MAP4: variants seen among roughly 807,000 people sequenced by gnomAD.
MAP4 encodes the protein microtubule associated protein 4.
In MAP4, 76 loss-of-function variants were observed where a neutral mutation model predicts 170.2. That is an observed-to-expected ratio of 0.45 (90% CI 0.37 to 0.54). MAP4 has a LOEUF of 0.54. Ranked by LOEUF, MAP4 falls within the 20% of genes least tolerant of loss-of-function variation. MAP4 has a pLI of 0.00. For synonymous variants in MAP4, 909 were observed against 994.5 expected (o/e 0.91, Z 1.62); for missense variants, 2,506 against 2,748.0 (o/e 0.91, Z 1.97).
chr3:48,027,792 T>A (rs1429786974), intron 1 of MAP4, among the ~76,000 whole-genome samples: 1 of 152,120 alleles, frequency 6.6e-6, no homozygotes, highest in Non-Finnish European at 1.5e-5. Flanking sequence ...GAGCCATGAT[T>A]GCGGAACTGC....
rs1225562081 is a variant in MAP4, at chr3:47,952,275, C to G, written c.293-23925G>C. On this transcript the variant is annotated intron_variant, in intron 3 of 20. Coordinates refer to ENST00000683076, the MANE Select transcript of MAP4 (RefSeq NM_001385682.1). ...GAGGGAGGTGGGGGGGTCAGCCCCC[C>G]CGCCCGGCCAGCCGCCCCATCCGGG... Among the ~76,000 whole-genome samples, 8 of 151,508 alleles carry G rather than the reference C, an allele frequency of 5.3e-5. No homozygotes were observed. In the East Asian group the frequency reaches 9.8e-4, roughly 19 times the overall value.
intron 1 of MAP4, among the ~76,000 whole-genome samples, chr3:48,069,982 T>A (rs867226936): frequency 3.9e-5 from 6 of 151,902 alleles, no homozygotes; most frequent in South Asian, 2.1e-4. Context: ...TGAAAAAAAA[T>A]TTTTTTTCTG....
intron 3 of MAP4, among the ~76,000 whole-genome samples, chr3:47,928,737 G>A (rs956237073): frequency 6.6e-6 from 1 of 151,838 alleles, no homozygotes; most frequent in African/African-American, 2.4e-5. Context: ...TGACTTCTAG[G>A]TTATGCAGGC....
intron 2 of MAP4, chr3:47,987,296 A>G: frequency 1.1e-6 from 1 of 935,488 alleles, no homozygotes; most frequent in Non-Finnish European, 1.6e-6. Context: ...AGAGCATGTT[A>G]ATAAGTGTAA....
chr3:47,930,354 AG>A (rs1215749463), intron 3 of MAP4, among the ~76,000 whole-genome samples: 1 of 151,238 alleles, frequency 6.6e-6, no homozygotes. Flanking sequence ...CTGAGGCAGG[AG>A]AATGGCGTGA....
intron 1 of MAP4, among the ~76,000 whole-genome samples, chr3:48,030,019 T>C (rs922920436): frequency 1.4e-5 from 2 of 147,738 alleles, no homozygotes; most frequent in African/African-American, 4.9e-5. Flanking sequence ...ATAATATATG[T>C]ATTATATATT....
chr3:47,872,037 C>T lies in MAP4; in HGVS notation c.5821G>A (p.Ala1941Thr), dbSNP rs758660512. 6.2e-6 allele frequency: 10 copies of T among 1,613,902 alleles called. No individual in the cohort carries two copies. In the African/African-American group the frequency reaches 6.7e-5, roughly 11 times the overall value. Residue 1941 changes from alanine to threonine, a missense_variant, in exon 13 of 21, where the codon GCC becomes ACC. Physicochemically the swap from Ala to Thr is moderately conservative, Grantham distance 58. Coordinates refer to ENST00000683076, the MANE Select transcript of MAP4 (RefSeq NM_001385682.1). Reference sequence around the variant, plus strand: ...GTGCTCTTGGACCCAGATCTGGAGGCTGGGGCAGAAGCTGGCTTGGATGGT... The same window carrying T: ...GTGCTCTTGGACCCAGATCTGGAGGTTGGGGCAGAAGCTGGCTTGGATGGT... ...ASPSKPASAP[A>T]SRSGSKSTQT... is the part of the protein sequence containing the mutation.
At chr3:47,899,868 T>G (rs539861097) in intron 10 of MAP4, among the ~76,000 whole-genome samples, 1 of 152,334 alleles carries the variant, frequency 6.6e-6, no homozygotes, top group African/African-American at 2.4e-5. Context: ...TGGATTCCTG[T>G]GTGTCTGGGC....
chr3:47,857,360 T>G lies in MAP4; in HGVS notation c.6583+71A>C, dbSNP rs910881878. 195 of 1,270,690 alleles carry G rather than the reference T, an allele frequency of 1.5e-4. 1 individual carries two copies. The East Asian group carries it at 4.2e-3, about 27-fold the overall frequency. The allele number at this position is 1,270,690 out of a possible 1,614,324, so 78.7% of individuals were successfully genotyped here. ...AGAGATGAAACCCTTGCCAGCCAGC[T>G]GGCTGCCCAGCTGACCCATGGCAGG... On this transcript the variant is annotated intron_variant, in intron 18 of 20. Coordinates refer to ENST00000683076, the MANE Select transcript of MAP4 (RefSeq NM_001385682.1).
chr3:47,870,740 G>A, intron 15 of MAP4, 73 bp downstream of exon 15: 1 of 1,439,726 alleles, frequency 6.9e-7, no homozygotes, highest in Non-Finnish European at 9.3e-7. Flanking sequence ...TGGTGGGCCT[G>A]GGAACAGTGG....
rs570915918 is a variant in MAP4, at chr3:47,914,234, A to G, written c.1999+583T>C. On this transcript the variant is annotated intron_variant, in intron 8 of 20. Coordinates refer to ENST00000683076, the MANE Select transcript of MAP4 (RefSeq NM_001385682.1). The stretch of plus-strand genomic sequence containing the variant: ...GAATAGTGAATAGCTGAACCAGATC[A>G]AAATTTGGGTGTCCTTTCTTCACTA... Among the ~76,000 whole-genome samples, 3 of 152,280 alleles carry G rather than the reference A, an allele frequency of 2.0e-5. No homozygotes were observed. The East Asian group carries it at 5.8e-4, about 29-fold the overall frequency.
intron 1 of MAP4, among the ~76,000 whole-genome samples, chr3:48,006,782 T>C (rs1323132203): frequency 6.6e-5 from 10 of 152,238 alleles, no homozygotes; most frequent in Non-Finnish European, 1.2e-4. Flanking sequence ...AGAAGACAGA[T>C]GGATCCTGGA....
chr3:48,077,241 G>A (rs1196896691), intron 1 of MAP4, among the ~76,000 whole-genome samples: 3 of 151,940 alleles, frequency 2.0e-5, no homozygotes, highest in South Asian at 2.1e-4. Flanking sequence ...TTGGGAGTTC[G>A]AGCCCAGCCT....
At chr3:47,919,685 A>T (rs954645339) in intron 5 of MAP4, among the ~76,000 whole-genome samples, 2 of 152,212 alleles carry the variant, frequency 1.3e-5, no homozygotes, top group African/African-American at 4.8e-5. Flanking sequence ...GTGGTATAGT[A>T]TATCCCAGTA....
At chr3:48,078,998 CTG>C (rs1156737999) in intron 1 of MAP4, among the ~76,000 whole-genome samples, 1 of 152,040 alleles carries the variant, frequency 6.6e-6, no homozygotes, top group Admixed American at 6.6e-5. Flanking sequence ...TGGTGAAACG[CTG>C]TCTCTACAAA....
intron 1 of MAP4, among the ~76,000 whole-genome samples, chr3:48,082,479 T>C (rs1189799667): frequency 6.6e-6 from 1 of 152,198 alleles, no homozygotes; most frequent in Non-Finnish European, 1.5e-5. Flanking sequence ...CAACAGTCAC[T>C]TTACAGTGCA....
At chr3:47,858,752 C>G (rs1224834904) in intron 17 of MAP4, among the ~76,000 whole-genome samples, 2 of 152,150 alleles carry the variant, frequency 1.3e-5, no homozygotes, top group Middle Eastern at 6.8e-3. Context: ...AGGCAGATCA[C>G]CTGTGGCTAG....
chr3:48,070,590 G>C (rs2100140449), intron 1 of MAP4, among the ~76,000 whole-genome samples: 1 of 151,792 alleles, frequency 6.6e-6, no homozygotes, highest in Non-Finnish European at 1.5e-5. Context: ...CCGAAGTGCT[G>C]GGATTCCAGG....
intron 1 of MAP4, among the ~76,000 whole-genome samples, chr3:48,011,171 C>A (rs1242234406): frequency 6.6e-6 from 1 of 152,150 alleles, no homozygotes; most frequent in African/African-American, 2.4e-5. Context: ...ATTTGAATAA[C>A]CACTGCCGAA....
Sources: gnomAD v4.1 joint callset for allele counts (sites outside exome capture counted in the v4.1 genomes callset) on GRCh38, gnomAD v4.1.1 for gene constraint, MANE v1.5 for transcripts, NCBI Gene and HGNC (gene_info 2026-07-23, HGNC 2026-07-21) for gene names.